RFX7: variants seen among roughly 807,000 people sequenced by gnomAD.
RFX7 encodes the protein regulatory factor X7, also known as DNA-binding protein RFX7.
A neutral mutation model predicts 111.8 loss-of-function variants in RFX7; 26 were observed. That is an observed-to-expected ratio of 0.23 (90% CI 0.17 to 0.32). The LOEUF (loss-of-function observed/expected upper bound fraction) is 0.32, where lower values mean the gene tolerates loss of function less well. RFX7 is among the 10% of genes least tolerant of loss of function. The pLI, the probability that RFX7 is intolerant of heterozygous loss-of-function variation, is 1.00. For synonymous variants in RFX7, 624 were observed against 624.4 expected, an observed-to-expected ratio of 1.00 and a Z score of 0.01; for missense variants, 1,573 against 1,772.9, an observed-to-expected ratio of 0.89 and a Z score of 2.02.
chr15:56,123,945 A>C (rs1414357601), intron 5 of RFX7, among the ~76,000 whole-genome samples: 1 of 152,162 alleles, frequency 6.6e-6, no homozygotes, highest in Non-Finnish European at 1.5e-5. Flanking sequence ...CAGCAATTCA[A>C]GACTTTTTTT....
intron 5 of RFX7, among the ~76,000 whole-genome samples, chr15:56,118,255 C>G (rs148523032): frequency 6.6e-6 from 1 of 152,036 alleles, no homozygotes; most frequent in Admixed American, 6.6e-5. Flanking sequence ...TATCATCACC[C>G]TGTTGTGCTG....
chr15:56,110,124 A>C (rs866622921), intron 5 of RFX7, among the ~76,000 whole-genome samples: 328 of 74,476 alleles, frequency 4.4e-3, no homozygotes, highest in East Asian at 5.1e-3. Flanking sequence ...CCAGCCGCCC[A>C]GTCCGGGAGG....
chr15:56,235,171 C>T (rs915780546), intron 2 of RFX7, among the ~76,000 whole-genome samples: 2 of 147,686 alleles, frequency 1.4e-5, no homozygotes, highest in Non-Finnish European at 3.0e-5. Flanking sequence ...CCCCTGTTCT[C>T]GTTTGTTGTT....
intron 4 of RFX7, among the ~76,000 whole-genome samples, chr15:56,143,774 C>A (rs574006948): frequency 1.3e-4 from 20 of 152,128 alleles, no homozygotes; most frequent in African/African-American, 4.3e-4. Flanking sequence ...TCATTTATTT[C>A]TATATACAGT....
intron 5 of RFX7, among the ~76,000 whole-genome samples, chr15:56,124,974 T>C (rs1162636259): frequency 1.3e-5 from 2 of 152,192 alleles, no homozygotes; most frequent in East Asian, 3.8e-4. Flanking sequence ...CTTCTGCTAA[T>C]TTTGTAGTTT....
At chr15:56,110,090 TG>T (rs1262899339) in intron 5 of RFX7, among the ~76,000 whole-genome samples, 1 of 107,372 alleles carries the variant, frequency 9.3e-6, no homozygotes, top group Non-Finnish European at 1.9e-5. Flanking sequence ...GGGAGGGAGG[TG>T]GGGGGGTCAG....
At position 56,112,497 on chromosome 15, in the gene RFX7, A is replaced by G. The variant is rs374383930; in HGVS notation, c.402-8827T>C. ...ACCCCTTTCTTACACCTTATACACA[A>G]ATTTACTCAAGATGGATTAAAGACT... On this transcript the variant is annotated intron_variant, in intron 5 of 9. Transcript: ENST00000559447. Among the ~76,000 whole-genome samples the G allele has an allele frequency of 3.3e-5, 5 of 152,162 alleles. 1 individual carries two copies. The highest frequency in any genetic ancestry group is 2.9e-5 in the Non-Finnish European group (2 of 68,000).
At chr15:56,179,539 TTATTTTGAATAA>T (rs1299625173) in intron 2 of RFX7, among the ~76,000 whole-genome samples, 1 of 152,138 alleles carries the variant, frequency 6.6e-6, no homozygotes, top group Non-Finnish European at 1.5e-5. Flanking sequence ...TTTCCTAAGT[TTATTTTGAATAA>T]ACAATTAAAT....
chr15:56,119,781 A>C (rs1227927419), intron 5 of RFX7, among the ~76,000 whole-genome samples: 20 of 150,464 alleles, frequency 1.3e-4, no homozygotes, highest in African/African-American at 4.9e-4. Flanking sequence ...TGTCTCAAAA[A>C]AAAAAAAAAA....
chr15:56,201,429 A>C (rs894925086), intron 2 of RFX7, among the ~76,000 whole-genome samples: 1 of 152,248 alleles, frequency 6.6e-6, no homozygotes, highest in Non-Finnish European at 1.5e-5. Flanking sequence ...CCAGCCTAAA[A>C]GCATTTCAAT....
At chr15:56,096,815 CATT>C (rs1415094557) in intron 9 of RFX7, among the ~76,000 whole-genome samples, 195 bp from the exon 10 acceptor site, 1 of 152,116 alleles carries the variant, frequency 6.6e-6, no homozygotes, top group Non-Finnish European at 1.5e-5. Flanking sequence ...AACCATAATG[CATT>C]ATAATTAAAA....
chr15:56,209,889 A>T (rs994887540), intron 2 of RFX7, among the ~76,000 whole-genome samples: 1 of 152,118 alleles, frequency 6.6e-6, no homozygotes, highest in Non-Finnish European at 1.5e-5. Context: ...CACAAAAGGC[A>T]AAACAAAAAA....
chr15:56,184,349 G>C (rs966877246), intron 2 of RFX7, among the ~76,000 whole-genome samples: 1 of 151,546 alleles, frequency 6.6e-6, no homozygotes, highest in African/African-American at 2.4e-5. Flanking sequence ...AGTTCTAATA[G>C]TATGTAGATT....
rs138848368 is a variant in RFX7 at position 56,172,506 on chromosome 15, C to A, written c.195+6764G>T. Among the ~76,000 whole-genome samples, 487 of 152,042 alleles carry A rather than the reference C, an allele frequency of 3.2e-3. 8 individuals carry two copies. Among genetic ancestry groups the A allele is most frequent in the African/African-American group, 0.011 (469 of 41,482 alleles). On this transcript the variant is annotated intron_variant, in intron 3 of 9. Coordinates refer to ENST00000559447, the MANE Select transcript of RFX7 (RefSeq NM_022841.7). ...AATTCTGAGATAGGAATGGATGAGA[C>A]CTAGAGGGTAGGCAGAGAGAGATCA... is the stretch of plus-strand genomic sequence containing the variant.
chr15:56,151,016 A>G (rs118045478), intron 3 of RFX7, among the ~76,000 whole-genome samples: 4,235 of 149,630 alleles, frequency 0.028, 79 homozygotes, highest in Middle Eastern at 0.055. Flanking sequence ...GATTAGAGGG[A>G]AAAAAAAAAG....
At chr15:56,194,710 A>G (rs1369007059) in intron 2 of RFX7, among the ~76,000 whole-genome samples, 8 of 152,100 alleles carry the variant, frequency 5.3e-5, no homozygotes, top group African/African-American at 1.9e-4. Context: ...AAACATTCGG[A>G]ATCACACCAT....
chr15:56,129,908 T>G (rs1489958661), intron 5 of RFX7, among the ~76,000 whole-genome samples: 1 of 152,178 alleles, frequency 6.6e-6, no homozygotes, highest in Non-Finnish European at 1.5e-5. Context: ...AGGGTACAAT[T>G]TGTAAAGATT....
chr15:56,229,073 G>C (rs2043518669), intron 2 of RFX7, among the ~76,000 whole-genome samples: 1 of 152,190 alleles, frequency 6.6e-6, no homozygotes, highest in Non-Finnish European at 1.5e-5. Context: ...GATGGCACAA[G>C]ATTTCATCAC....
At chr15:56,126,834 C>A (rs775945860) in intron 5 of RFX7, among the ~76,000 whole-genome samples, 1 of 151,958 alleles carries the variant, frequency 6.6e-6, no homozygotes, top group Non-Finnish European at 1.5e-5. Context: ...CTGTAACAAT[C>A]GTAACTTTTT....
Sources: gnomAD v4.1 joint callset for allele counts (sites outside exome capture counted in the v4.1 genomes callset) on GRCh38, gnomAD v4.1.1 for gene constraint, MANE v1.5 for transcripts, NCBI Gene and HGNC (gene_info 2026-07-23, HGNC 2026-07-21) for gene names.